Variants in MYO1E observed in about 807,000 individuals in gnomAD.
The protein encoded by MYO1E is unconventional myosin-Ie.
Under a neutral mutation model 151.1 loss-of-function variants are expected in MYO1E, and 68 were observed. The observed-to-expected ratio is 0.45, with a 90% confidence interval of 0.37 to 0.55. MYO1E has a LOEUF of 0.55. MYO1E is among the 20% of genes least tolerant of loss of function. The pLI, the probability that MYO1E is intolerant of heterozygous loss-of-function variation, is 0.00. For missense variants in MYO1E, 1,363 were observed against 1,389.3 expected, an observed-to-expected ratio of 0.98 and a Z score of 0.30; for synonymous variants, 601 against 501.7, an observed-to-expected ratio of 1.20 and a Z score of -2.64.
At chr15:59,320,503 G>A (rs1309054655) in intron 1 of MYO1E, among the ~76,000 whole-genome samples, 1 of 152,010 alleles carries the variant, frequency 6.6e-6, no homozygotes, top group African/African-American at 2.4e-5. Context: ...TCTCTGTTCT[G>A]TTCAACAGAG....
At chr15:59,274,409 C>T (rs2080306129) in intron 1 of MYO1E, among the ~76,000 whole-genome samples, 1 of 152,196 alleles carries the variant, frequency 6.6e-6, no homozygotes, top group African/African-American at 2.4e-5. Flanking sequence ...CTACTTCCAG[C>T]CAGATAATTC....
intron 23 of MYO1E, among the ~76,000 whole-genome samples, chr15:59,161,762 T>C (rs1019476960): frequency 5.9e-5 from 9 of 152,130 alleles, no homozygotes; most frequent in African/African-American, 1.9e-4. Flanking sequence ...AAAATCCAAA[T>C]AGAAGGCAGG....
intron 1 of MYO1E, among the ~76,000 whole-genome samples, chr15:59,360,284 C>G (rs1365916386): frequency 1.3e-5 from 2 of 151,510 alleles, no homozygotes; most frequent in Non-Finnish European, 2.9e-5. Context: ...CTGTGGCTCA[C>G]AGAATATGGA....
intron 2 of MYO1E, among the ~76,000 whole-genome samples, chr15:59,262,640 G>A (rs1285139644): frequency 6.6e-6 from 1 of 152,040 alleles, no homozygotes; most frequent in African/African-American, 2.4e-5. Context: ...GACAGAAAGA[G>A]ACCTTGTCTC....
intron 23 of MYO1E, among the ~76,000 whole-genome samples, chr15:59,161,657 G>A (rs12441365): frequency 0.046 from 7,078 of 152,226 alleles, 273 homozygotes; most frequent in African/African-American, 0.1. Context: ...GCCAGCTTGA[G>A]GACTCTAGCA....
chr15:59,147,596 C>CAAAAAAAAAAAAAAAAA (rs748173480), intron 26 of MYO1E, among the ~76,000 whole-genome samples: 14 of 66,090 alleles, frequency 2.1e-4, no homozygotes, highest in Admixed American at 4.9e-4. Context: ...GACTCTGTCT[C>CAAAAAAAAAAAAAAAAA]AAAAAAAAAA....
At chr15:59,328,907 T>C (rs2080682657) in intron 1 of MYO1E, among the ~76,000 whole-genome samples, 1 of 152,146 alleles carries the variant, frequency 6.6e-6, no homozygotes, top group South Asian at 2.1e-4. Flanking sequence ...CATCACAATT[T>C]ACAGACAAGG....
intron 27 of MYO1E, among the ~76,000 whole-genome samples, chr15:59,137,874 T>C (rs1250832566): frequency 6.6e-6 from 1 of 152,248 alleles, no homozygotes; most frequent in African/African-American, 2.4e-5. Flanking sequence ...GTCAGGACTT[T>C]TGTCCAATGA....
chr15:59,213,017 GGA>G (rs1312035541), intron 12 of MYO1E, among the ~76,000 whole-genome samples: 1 of 152,084 alleles, frequency 6.6e-6, no homozygotes, highest in Non-Finnish European at 1.5e-5. Flanking sequence ...TCCACAACTG[GGA>G]GGGAAGAAAC....
intron 4 of MYO1E, among the ~76,000 whole-genome samples, chr15:59,251,995 T>C (rs78533354): frequency 0.01 from 1,575 of 152,348 alleles, 32 homozygotes; most frequent in African/African-American, 0.036. Context: ...AACAAACTTA[T>C]TCTATCTGTC....
chr15:59,208,786 C>T lies in MYO1E; in HGVS notation c.1425G>A (p.Glu475=), dbSNP rs2079857698. The T allele has an allele frequency of 1.2e-6, 2 of 1,614,222 alleles. No homozygotes were observed. The highest frequency in any genetic ancestry group is 1.7e-6 in the Non-Finnish European group (2 of 1,180,042). ...DVCATMHAVG[E]GADQTLLQKL... ...TCTGGAGCAGCGTCTGATCTGCCCC[C>T]TCACCCACCGCATGCATCGTGGCGC... Residue 475 remains glutamate (E), a synonymous_variant, in exon 14 of 28, where the codon GAG becomes GAA. Transcript: ENST00000288235.
chr15:59,243,978 A>G (rs1292749136), intron 4 of MYO1E, among the ~76,000 whole-genome samples: 2 of 151,874 alleles, frequency 1.3e-5, no homozygotes, highest in Non-Finnish European at 2.9e-5. Context: ...TCATGGAGAG[A>G]GGGGTCCTCC....
chr15:59,287,811 G>T (rs927768400), intron 1 of MYO1E, among the ~76,000 whole-genome samples: 8 of 152,152 alleles, frequency 5.3e-5, no homozygotes, highest in African/African-American at 1.9e-4. Context: ...TCCTGTCCAG[G>T]CCTGGTTCCT....
chr15:59,339,965 A>G (rs2080754095), intron 1 of MYO1E, among the ~76,000 whole-genome samples: 1 of 150,936 alleles, frequency 6.6e-6, no homozygotes, highest in African/African-American at 2.4e-5. Flanking sequence ...CTCCTGTCTC[A>G]GCCTCCCTAG....
intron 16 of MYO1E, among the ~76,000 whole-genome samples, chr15:59,196,430 T>A (rs1874463588): frequency 6.6e-6 from 1 of 152,016 alleles, no homozygotes; most frequent in Admixed American, 6.6e-5. Context: ...ACCCTGTGGG[T>A]CCAAGGATGT....
chr15:59,358,717 C>T (rs2080868349), intron 1 of MYO1E, among the ~76,000 whole-genome samples: 1 of 152,168 alleles, frequency 6.6e-6, no homozygotes, highest in Admixed American at 6.5e-5. Flanking sequence ...ATGTCCCTGA[C>T]ATATTTATTT....
intron 1 of MYO1E, among the ~76,000 whole-genome samples, chr15:59,288,002 G>A (rs1319363528): frequency 1.3e-5 from 2 of 152,200 alleles, no homozygotes. Flanking sequence ...CGCTCAGCGA[G>A]CCTGCCATGT....
At chr15:59,346,115 C>CGGA (rs1284203447) in intron 1 of MYO1E, among the ~76,000 whole-genome samples, 2 of 152,142 alleles carry the variant, frequency 1.3e-5, no homozygotes, top group African/African-American at 2.4e-5. Flanking sequence ...GTCTGGCTCC[C>CGGA]ACTTCTGAAT....
At chr15:59,250,259 C>T (rs1287235524) in intron 4 of MYO1E, among the ~76,000 whole-genome samples, 2 of 152,172 alleles carry the variant, frequency 1.3e-5, no homozygotes, top group Non-Finnish European at 2.9e-5. Flanking sequence ...GACATACCAT[C>T]GCAATTCTGA....
Sources: gnomAD v4.1 joint callset for allele counts (sites outside exome capture counted in the v4.1 genomes callset) on GRCh38, gnomAD v4.1.1 for gene constraint, MANE v1.5 for transcripts, NCBI Gene and HGNC (gene_info 2026-07-23, HGNC 2026-07-21) for gene names.